Variants in CD8B observed in about 807,000 individuals in gnomAD.
CD8B encodes the protein CD8 subunit beta.
A neutral mutation model predicts 24.2 loss-of-function variants in CD8B; 6 were observed. The ratio of observed to expected loss-of-function variants is 0.25; its 90% CI spans 0.14 to 0.49. The LOEUF is 0.49. CD8B is among the 20% of genes least tolerant of loss of function. The pLI, the probability that CD8B is intolerant of heterozygous loss-of-function variation, is 0.98. For missense variants in CD8B, 196 were observed against 271.3 expected (o/e 0.72, Z 1.95); for synonymous variants, 84 against 108.3 (o/e 0.78, Z 1.39).
intron 3 of CD8B, among the ~76,000 whole-genome samples, chr2:86,847,296 A>G (rs1675736533): frequency 1.3e-5 from 2 of 152,216 alleles, no homozygotes; most frequent in Non-Finnish European, 2.9e-5. Context: ...ATAAAATTTC[A>G]TGTCCCACAT....
At chr2:86,843,822 G>A (rs1386727978) in intron 5 of CD8B, among the ~76,000 whole-genome samples, 2 of 152,164 alleles carry the variant, frequency 1.3e-5, no homozygotes, top group East Asian at 1.9e-4. Context: ...CGAGAAATCC[G>A]AGACTTGGAG....
intron 3 of CD8B, among the ~76,000 whole-genome samples, chr2:86,847,430 G>A (rs1409382039): frequency 6.6e-6 from 1 of 152,124 alleles, no homozygotes; most frequent in Non-Finnish European, 1.5e-5. Flanking sequence ...TTTAAATATA[G>A]GATTAGAGTG....
intron 1 of CD8B, among the ~76,000 whole-genome samples, chr2:86,858,919 G>A (rs551426664): frequency 2.0e-5 from 3 of 152,218 alleles, no homozygotes; most frequent in Admixed American, 6.5e-5. Flanking sequence ...ATAGATCCAG[G>A]ATTTTTAATC....
chr2:86,829,145 G>T (rs1674810721), intron 5 of CD8B, among the ~76,000 whole-genome samples: 1 of 126,218 alleles, frequency 7.9e-6, no homozygotes, highest in Non-Finnish European at 1.6e-5. Flanking sequence ...TGTTGCCCAG[G>T]CTGGAGTGCA....
At position 86,851,689 on chromosome 2, in the gene CD8B, GC is replaced by G. The variant is rs566607386; in HGVS notation, c.493+1307del. Among the ~76,000 whole-genome samples, 215 of 152,318 alleles carry G rather than the reference GC, an allele frequency of 1.4e-3. 2 individuals carry two copies. Among genetic ancestry groups the G allele is most frequent in the African/African-American group, 5.0e-3 (206 of 41,576 alleles). The stretch of plus-strand genomic sequence containing the variant: ...AGTGCGAGGCAGTGCTCCAGGGGCT[GC>G]TTGTGGTTTGTTTTCTGGGTAGCAG... On this transcript the variant is annotated intron_variant, in intron 3 of 5. Transcript: ENST00000390655.
At chr2:86,850,944 A>T (rs1036930919) in intron 3 of CD8B, among the ~76,000 whole-genome samples, 1 of 152,118 alleles carries the variant, frequency 6.6e-6, no homozygotes, top group Non-Finnish European at 1.5e-5. Context: ...TATAAAAATT[A>T]GCCAAGCGTG....
intron 4 of CD8B, among the ~76,000 whole-genome samples, chr2:86,846,031 G>A (rs1675655400): frequency 6.6e-6 from 1 of 152,228 alleles, no homozygotes; most frequent in Non-Finnish European, 1.5e-5. Context: ...GTGAGCAGAA[G>A]AACCGGGGTA....
At chr2:86,859,915 A>G (rs1318463626) in intron 1 of CD8B, among the ~76,000 whole-genome samples, 2 of 151,984 alleles carry the variant, frequency 1.3e-5, no homozygotes, top group Non-Finnish European at 2.9e-5. Flanking sequence ...ACACTGATGA[A>G]ATGAACTTCG....
chr2:86,824,853 C>T (rs1228785890), intron 5 of CD8B, among the ~76,000 whole-genome samples: 1 of 152,212 alleles, frequency 6.6e-6, no homozygotes, highest in Non-Finnish European at 1.5e-5. Context: ...TTTAGAACCA[C>T]CGTTTTTAAG....
At chr2:86,837,499 G>T (rs1265735920), downstream of CD8B, among the ~76,000 whole-genome samples, 2 of 152,068 alleles carry the variant, frequency 1.3e-5, no homozygotes, top group Non-Finnish European at 2.9e-5. Context: ...ATCGAAGGAG[G>T]TTTCCCAAGA....
intron 5 of CD8B, among the ~76,000 whole-genome samples, chr2:86,827,960 A>T (rs1038554006): frequency 1.3e-5 from 2 of 152,044 alleles, no homozygotes; most frequent in Non-Finnish European, 2.9e-5. Context: ...GTGCTGGGGG[A>T]TGGGGCAAGG....
At chr2:86,852,814 C>T (rs1676040418) in intron 3 of CD8B, among the ~76,000 whole-genome samples, 183 bp downstream of exon 3, 1 of 152,042 alleles carries the variant, frequency 6.6e-6, no homozygotes, top group South Asian at 2.1e-4. Flanking sequence ...ATTTATGAGT[C>T]TGTCTCCCAC....
chr2:86,853,884 G>A (rs1047318040), intron 2 of CD8B, among the ~76,000 whole-genome samples: 9 of 152,018 alleles, frequency 5.9e-5, no homozygotes, highest in Admixed American at 5.2e-4. Flanking sequence ...CACTGCATTC[G>A]TCGTGCCACT....
chr2:86,858,814 T>C (rs1676423129), intron 1 of CD8B, among the ~76,000 whole-genome samples: 1 of 151,320 alleles, frequency 6.6e-6, no homozygotes. Context: ...GGCACTATCA[T>C]AGTACACTTC....
Position 86,829,095 on chromosome 2 carries a change from CTTTTT to C in CD8B, c.621-13382_621-13378del, listed in dbSNP as rs746569858. On this transcript the variant is annotated intron_variant, in intron 5 of 5. Coordinates refer to the CD8B transcript ENST00000331469. ...TTACCATTTTGGCATATGCTCTTTA[CTTTTT>C]TTTTTTTTTTTTTTTTTGAGACGGA... Among the ~76,000 whole-genome samples the C allele has an allele frequency of 3.4e-4, 28 of 82,986 alleles. No homozygotes were observed. The East Asian group carries it at 8.2e-3, about 24-fold the overall frequency. The allele number at this position is 82,986 out of a possible 152,430, so 54.4% of individuals were successfully genotyped here.
chr2:86,854,982 G>T (rs539977915), intron 2 of CD8B, among the ~76,000 whole-genome samples: 1 of 152,064 alleles, frequency 6.6e-6, no homozygotes, highest in Non-Finnish European at 1.5e-5. Flanking sequence ...TTAGTTGGGC[G>T]TGGTGGCACG....
intron 1 of CD8B, among the ~76,000 whole-genome samples, chr2:86,860,466 T>C (rs1210137916): frequency 6.6e-6 from 1 of 152,138 alleles, no homozygotes; most frequent in Non-Finnish European, 1.5e-5. Context: ...TGCCAGTTTA[T>C]TGAGCTGTGC....
chr2:86,840,813 C>T lies in CD8B; in HGVS notation c.*1494G>A, dbSNP rs1422299511. On this transcript the variant is annotated 3_prime_UTR_variant, in exon 6 of 6. Transcript: ENST00000390655. ...TGCATCTATGCCTTTCTAACTCCAC[C>T]CACCACACCTCATTCTGCTGCGGCC... is the stretch of plus-strand genomic sequence containing the variant. 6.6e-6 allele frequency among the ~76,000 whole-genome samples: 1 copy of T among 152,152 alleles called. No homozygotes were observed. The highest frequency in any genetic ancestry group is 6.5e-5 in the Admixed American group (1 of 15,268).
At chr2:86,825,485 A>G (rs946043245) in intron 5 of CD8B, among the ~76,000 whole-genome samples, 2 of 152,280 alleles carry the variant, frequency 1.3e-5, no homozygotes, top group East Asian at 1.9e-4. Flanking sequence ...AGTAAACCCC[A>G]GGCACACAAA....
Sources: gnomAD v4.1 joint callset for allele counts (sites outside exome capture counted in the v4.1 genomes callset) on GRCh38, gnomAD v4.1.1 for gene constraint, MANE v1.5 for transcripts, NCBI Gene and HGNC (gene_info 2026-07-23, HGNC 2026-07-21) for gene names.